The following GABRA2 variants were observed in gnomAD, a reference collection of about 807,000 sequenced individuals.
GABRA2 encodes the protein gamma-aminobutyric acid receptor subunit alpha-2.
In GABRA2, 16 loss-of-function variants were observed where a neutral mutation model predicts 48.7. That is an observed-to-expected ratio of 0.33 (90% CI 0.22 to 0.50). The LOEUF (loss-of-function observed/expected upper bound fraction) is 0.50. Ranked by LOEUF, GABRA2 falls within the 20% of genes least tolerant of loss-of-function variation. The probability of loss-of-function intolerance (pLI) is 0.98; values close to 1 mark genes in which losing one functional copy is unlikely to be tolerated. For missense variants in GABRA2, 275 were observed against 535.6 expected, an observed-to-expected ratio of 0.51 and a Z score of 4.80; for synonymous variants, 185 against 184.5, an observed-to-expected ratio of 1.00 and a Z score of -0.02.
chr4:46,332,196 G>GT (rs1731480987), intron 4 of GABRA2, among the ~76,000 whole-genome samples: 1 of 152,034 alleles, frequency 6.6e-6, no homozygotes, highest in African/African-American at 2.4e-5. Context: ...CAATCAAAGG[G>GT]TTTTTTGTTG....
intron 3 of GABRA2, among the ~76,000 whole-genome samples, chr4:46,373,959 T>G (rs1012542214): frequency 6.6e-6 from 1 of 152,182 alleles, no homozygotes; most frequent in African/African-American, 2.4e-5. Context: ...TTCTTTTAAT[T>G]AAGATGTCCT....
intron 3 of GABRA2, among the ~76,000 whole-genome samples, chr4:46,379,470 T>C (rs1177490946): frequency 6.6e-6 from 1 of 152,202 alleles, no homozygotes; most frequent in African/African-American, 2.4e-5. Flanking sequence ...AAAAGCTATT[T>C]ACATACGTGC....
intron 8 of GABRA2, among the ~76,000 whole-genome samples, chr4:46,274,014 G>T (rs921879219): frequency 6.6e-6 from 1 of 152,078 alleles, no homozygotes; most frequent in Non-Finnish European, 1.5e-5. Flanking sequence ...CTATAAGCGG[G>T]GGGGCAGAAG....
In GABRA2 at chr4:46,247,652, C is replaced by T. The variant is rs1031217838; in HGVS notation, c.*2656G>A. Among the ~76,000 whole-genome samples the T allele has an allele frequency of 6.6e-6, 1 of 151,008 alleles. No individual in the cohort carries two copies. The highest frequency in any genetic ancestry group is 2.4e-5 in the African/African-American group (1 of 41,268). ...GTATAATCTTATGGGCCAAAGAGATCAGTGTTAGTATATATAAAATGTATT... is the reference window on the plus strand; with the variant it reads ...GTATAATCTTATGGGCCAAAGAGATTAGTGTTAGTATATATAAAATGTATT... On this transcript the variant is annotated 3_prime_UTR_variant, in exon 10 of 10. Transcript: ENST00000381620.
chr4:46,364,508 GTA>G (rs966381142), intron 3 of GABRA2: 1 of 152,220 alleles, frequency 6.6e-6, no homozygotes, highest in African/African-American at 2.4e-5. Context: ...TGAAATCAAG[GTA>G]TGGGTGTGCT....
intron 8 of GABRA2, among the ~76,000 whole-genome samples, chr4:46,296,701 G>A (rs1473154050): frequency 1.3e-5 from 2 of 150,684 alleles, no homozygotes; most frequent in African/African-American, 2.4e-5. Context: ...GCTTGCTGAA[G>A]GCAAAGGAAA....
chr4:46,383,704 A>C (rs1023229752), intron 3 of GABRA2, among the ~76,000 whole-genome samples: 1 of 152,328 alleles, frequency 6.6e-6, no homozygotes. Flanking sequence ...AATTCAGTTA[A>C]GAAAGATCTT....
chr4:46,312,738 T>C, intron 4 of GABRA2, 22 bp from the exon 5 acceptor site: 1 of 1,292,956 alleles, frequency 7.7e-7, no homozygotes, highest in Non-Finnish European at 1.1e-6. Flanking sequence ...AATAGAATTT[T>C]TTTGAAAATA....
At chr4:46,299,000 A>T (rs1560495859) in intron 8 of GABRA2, among the ~76,000 whole-genome samples, 1 of 151,108 alleles carries the variant, frequency 6.6e-6, no homozygotes, top group Non-Finnish European at 1.5e-5. Context: ...ATATTATATG[A>T]TTATTAGAAT....
intron 3 of GABRA2, among the ~76,000 whole-genome samples, chr4:46,377,858 G>T (rs1306854669): frequency 1.2e-4 from 17 of 142,992 alleles, no homozygotes; most frequent in African/African-American, 3.9e-4. Context: ...GGAGGGAGGT[G>T]GGGGGGTCAG....
intron 3 of GABRA2, chr4:46,368,381 T>A (rs1456114728): frequency 6.6e-6 from 1 of 152,120 alleles, no homozygotes; most frequent in Non-Finnish European, 1.5e-5. Flanking sequence ...ACATTTCTTT[T>A]TCCCTTTAAC....
intron 3 of GABRA2, among the ~76,000 whole-genome samples, chr4:46,336,343 T>C (rs1482997849): frequency 6.6e-6 from 1 of 152,130 alleles, no homozygotes; most frequent in Non-Finnish European, 1.5e-5. Context: ...GTAATAGGCT[T>C]CCAGTGAAGT....
intron 3 of GABRA2, among the ~76,000 whole-genome samples, chr4:46,349,283 TA>T (rs1436791017): frequency 2.0e-5 from 3 of 152,016 alleles, no homozygotes; most frequent in African/African-American, 7.2e-5. Context: ...GTAGTTACAT[TA>T]TCTTTGAAAT....
Position 46,330,591 on chromosome 4 carries a change from T to TAGAGAGAGAGAG in GABRA2, c.255+2012_255+2023dup, listed in dbSNP as rs1553916278. 1.3e-3 allele frequency among the ~76,000 whole-genome samples: 154 copies of TAGAGAGAGAGAG among 122,602 alleles called. 5 individuals are homozygous for TAGAGAGAGAGAG. In the East Asian group the frequency reaches 0.017, roughly 14 times the overall value. The allele number at this position is 122,602 out of a possible 152,430, so 80.4% of individuals were successfully genotyped here. On this transcript the variant is annotated intron_variant, in intron 4 of 9. Coordinates refer to ENST00000381620, the MANE Select transcript of GABRA2 (RefSeq NM_000807.4). ...ATATATATATATATATATATATATATAGAGAGAGAGAGAGAGAGATGTTTT... is the reference window on the plus strand; with the variant it reads ...ATATATATATATATATATATATATATAGAGAGAGAGAGAGAGAGAGAGAGAGAGAGATGTTTT...
chr4:46,276,841 T>C (rs1720606062), intron 8 of GABRA2, among the ~76,000 whole-genome samples: 2 of 152,198 alleles, frequency 1.3e-5, no homozygotes, highest in South Asian at 4.1e-4. Flanking sequence ...ATCTGAAGTG[T>C]CTAACAGAGT....
At chr4:46,340,890 T>C (rs1334443864) in intron 3 of GABRA2, among the ~76,000 whole-genome samples, 1 of 152,018 alleles carries the variant, frequency 6.6e-6, no homozygotes, top group Non-Finnish European at 1.5e-5. Flanking sequence ...TTATGTGTTC[T>C]CTAGGTCTTT....
chr4:46,264,556 C>T (rs1717717297), intron 8 of GABRA2, among the ~76,000 whole-genome samples: 1 of 151,872 alleles, frequency 6.6e-6, no homozygotes. Context: ...CTATGTAATC[C>T]TTTTAAAATG....
chr4:46,347,597 A>G (rs964566002), intron 3 of GABRA2, among the ~76,000 whole-genome samples: 15 of 151,956 alleles, frequency 9.9e-5, no homozygotes, highest in African/African-American at 3.6e-4. Flanking sequence ...TCCACCCACA[A>G]TTGATTAAAG....
chr4:46,358,853 G>A (rs746705769), intron 3 of GABRA2, among the ~76,000 whole-genome samples: 1 of 152,094 alleles, frequency 6.6e-6, no homozygotes, highest in Non-Finnish European at 1.5e-5. Flanking sequence ...TGTCCATTTG[G>A]ATACTTGACT....
Sources: allele counts gnomAD v4.1 joint callset (sites outside exome capture counted in the v4.1 genomes callset), GRCh38; gene constraint gnomAD v4.1.1; transcripts MANE v1.5; gene names NCBI Gene and HGNC (gene_info 2026-07-23, HGNC 2026-07-21).